Variants in NAV3 observed in about 807,000 individuals in gnomAD.
The protein encoded by NAV3 is neuron navigator 3.
In NAV3, 87 loss-of-function variants were observed where a neutral mutation model predicts 244.7. That is an observed-to-expected ratio of 0.36 (90% confidence interval 0.30 to 0.42). The LOEUF is 0.42. NAV3 is among the 20% of genes least tolerant of loss of function. NAV3 has a pLI of 1.00. For missense variants in NAV3, 2,663 were observed against 2,893.3 expected (o/e 0.92, Z 1.83); for synonymous variants, 1,126 against 1,042.2 (o/e 1.08, Z -1.55).
At chr12:77,608,457 G>A (rs1870766644) in intron 2 of NAV3, among the ~76,000 whole-genome samples, 1 of 152,046 alleles carries the variant, frequency 6.6e-6, no homozygotes, top group Non-Finnish European at 1.5e-5. Flanking sequence ...TGTAATTTAA[G>A]CAGACTGTTA....
chr12:77,775,259 G>T (rs1870294159), intron 2 of NAV3, among the ~76,000 whole-genome samples: 1 of 151,974 alleles, frequency 6.6e-6, no homozygotes, highest in Admixed American at 6.6e-5. Flanking sequence ...AGGCATGGTG[G>T]TTCATGCCTG....
At chr12:77,574,507 A>C (rs1868986847) in intron 2 of NAV3, among the ~76,000 whole-genome samples, 1 of 152,178 alleles carries the variant, frequency 6.6e-6, no homozygotes, top group Admixed American at 6.5e-5. Flanking sequence ...AATTACTTCA[A>C]GTGTTTATAG....
At chr12:78,021,614 G>T in intron 8 of NAV3, 133 bp from the exon 9 acceptor site, 1 of 587,594 alleles carries the variant, frequency 1.7e-6, no homozygotes, top group Non-Finnish European at 3.0e-6. Flanking sequence ...GACAGCTCTG[G>T]AACATTCCAG....
intron 18 of NAV3, among the ~76,000 whole-genome samples, chr12:78,133,236 G>T (rs570009625): frequency 4.6e-5 from 7 of 152,020 alleles, no homozygotes; most frequent in Non-Finnish European, 8.8e-5. Flanking sequence ...AGATCTTTAT[G>T]CTGTATGGTT....
chr12:77,843,969 A>G (rs915508191), intron 1 of NAV3, among the ~76,000 whole-genome samples: 3 of 152,216 alleles, frequency 2.0e-5, no homozygotes, highest in African/African-American at 7.2e-5. Flanking sequence ...CGATACATAA[A>G]ATTTTTGCTG....
chr12:78,119,141 A>C, intron 14 of NAV3, 96 bp from the exon 15 acceptor site: 1 of 1,175,390 alleles, frequency 8.5e-7, no homozygotes, highest in Non-Finnish European at 1.2e-6. Context: ...AAGGGAAATA[A>C]TATAAAGAAG....
At chr12:78,023,875 T>A (rs1877558430) in intron 9 of NAV3, among the ~76,000 whole-genome samples, 1 of 152,168 alleles carries the variant, frequency 6.6e-6, no homozygotes, top group African/African-American at 2.4e-5. Context: ...ACACGGGTGT[T>A]CTTTCTAACA....
intron 2 of NAV3, among the ~76,000 whole-genome samples, chr12:77,606,437 G>C (rs1023828497): frequency 6.6e-6 from 1 of 152,028 alleles, no homozygotes; most frequent in African/African-American, 2.4e-5. Flanking sequence ...ATTATCCTCT[G>C]TTTATCCTTC....
At chr12:78,056,950 T>C (rs775814970) in intron 11 of NAV3, among the ~76,000 whole-genome samples, 11 of 152,212 alleles carry the variant, frequency 7.2e-5, no homozygotes, top group Non-Finnish European at 1.3e-4. Context: ...CCATGTACTC[T>C]AGGTGTAACT....
intron 1 of NAV3, among the ~76,000 whole-genome samples, chr12:77,938,634 A>G (rs1177896062): frequency 6.6e-6 from 1 of 152,144 alleles, no homozygotes; most frequent in Non-Finnish European, 1.5e-5. Context: ...CCCAAGATTC[A>G]TTCAAAACAC....
chr12:77,755,188 GT>G (rs1289598434), intron 2 of NAV3, among the ~76,000 whole-genome samples: 1 of 151,778 alleles, frequency 6.6e-6, no homozygotes, highest in South Asian at 2.1e-4. Context: ...TATGCTTACT[GT>G]TTTTTTAATC....
chr12:78,145,015 T>C (rs1298793973), intron 20 of NAV3: 3 of 286,490 alleles, frequency 1.0e-5, no homozygotes, highest in Non-Finnish European at 2.1e-5. Flanking sequence ...TAGACATAGT[T>C]ACATAGTTAA....
intron 1 of NAV3, among the ~76,000 whole-genome samples, chr12:77,873,751 TATATATATATATATATGTATATAACAGC>T: frequency 8.9e-6 from 1 of 112,266 alleles, no homozygotes; most frequent in African/African-American, 2.9e-5. Context: ...TGTGTATATA[TATATATATATATATATGTATATAACAGC>T]ATATGCATTA....
chr12:77,678,205 A>AAT (rs1477490925), intron 2 of NAV3, among the ~76,000 whole-genome samples: 1 of 152,184 alleles, frequency 6.6e-6, no homozygotes, highest in African/African-American at 2.4e-5. Context: ...AGGAGGAAGC[A>AAT]ATATATATAA....
At chr12:77,951,333 T>A (rs925894252) in intron 3 of NAV3, among the ~76,000 whole-genome samples, 1 of 152,220 alleles carries the variant, frequency 6.6e-6, no homozygotes, top group African/African-American at 2.4e-5. Flanking sequence ...TCATCGTCAC[T>A]GGCCATCAGA....
At chr12:77,646,295 A>G (rs907788408) in intron 2 of NAV3, among the ~76,000 whole-genome samples, 4 of 152,178 alleles carry the variant, frequency 2.6e-5, no homozygotes, top group Non-Finnish European at 2.9e-5. Context: ...AGCACGCTAT[A>G]TAATTTTAGG....
chr12:77,782,126 A>C (rs1188651382), intron 2 of NAV3, among the ~76,000 whole-genome samples: 1 of 152,184 alleles, frequency 6.6e-6, no homozygotes, highest in East Asian at 1.9e-4. Flanking sequence ...TCCTAACAAG[A>C]GTCACATCTG....
intron 3 of NAV3, among the ~76,000 whole-genome samples, chr12:77,965,479 C>T (rs749859936): frequency 2.6e-5 from 4 of 152,004 alleles, no homozygotes; most frequent in East Asian, 1.9e-4. Flanking sequence ...ATTAGCGGGG[C>T]GTGGTGGCGT....
At chr12:77,799,531 T>A (rs1330667554) in intron 2 of NAV3, among the ~76,000 whole-genome samples, 3 of 152,192 alleles carry the variant, frequency 2.0e-5, no homozygotes, top group Non-Finnish European at 4.4e-5. Flanking sequence ...CCCTTGACAA[T>A]GATGATTATG....
Sources: gnomAD v4.1 joint callset for allele counts (sites outside exome capture counted in the v4.1 genomes callset) on GRCh38, gnomAD v4.1.1 for gene constraint, MANE v1.5 for transcripts, NCBI Gene and HGNC (gene_info 2026-07-23, HGNC 2026-07-21) for gene names.